The following TBC1D22A variants were observed in gnomAD, a reference collection of about 807,000 sequenced individuals.
The protein encoded by TBC1D22A is putative GTPase activator.
TBC1D22A carries 38 observed loss-of-function variants against 60.2 expected under a neutral mutation model. That is an observed-to-expected ratio of 0.63 (90% CI 0.49 to 0.83). The LOEUF is 0.83. Among genes scored for constraint, TBC1D22A ranks in the 40% least tolerant of loss-of-function variants. The pLI is 0.00. For synonymous variants in TBC1D22A, 302 were observed against 281.7 expected (o/e 1.07, Z -0.72); for missense variants, 628 against 701.0 (o/e 0.90, Z 1.18).
chr22:47,137,500 G>T, intron 12 of TBC1D22A, among the ~76,000 whole-genome samples: 1 of 152,120 alleles, frequency 6.6e-6, no homozygotes, highest in East Asian at 1.9e-4. Flanking sequence ...CTTCTCCCTT[G>T]GGGCAGCTTT....
At chr22:46,896,943 C>T (rs1440890950) in intron 7 of TBC1D22A, among the ~76,000 whole-genome samples, 1 of 151,978 alleles carries the variant, frequency 6.6e-6, no homozygotes, top group African/African-American at 2.4e-5. Context: ...TCAGAAAAGA[C>T]AGTTTTTAGT....
chr22:46,772,072 C>G (rs1226124192), intron 1 of TBC1D22A, among the ~76,000 whole-genome samples: 1 of 146,000 alleles, frequency 6.8e-6, no homozygotes, highest in Non-Finnish European at 1.5e-5. Context: ...TATGTATACA[C>G]ACATATACAT....
intron 11 of TBC1D22A, among the ~76,000 whole-genome samples, chr22:47,100,797 G>A (rs151325334): frequency 1.6e-4 from 24 of 152,220 alleles, no homozygotes; most frequent in African/African-American, 5.8e-4. Flanking sequence ...ACGTGAAAAC[G>A]GACTCATACA....
At chr22:47,003,910 TAC>T (rs1288626985) in intron 10 of TBC1D22A, among the ~76,000 whole-genome samples, 6 of 138,204 alleles carry the variant, frequency 4.3e-5, no homozygotes, top group Admixed American at 2.1e-4. Flanking sequence ...CATGCCTGTA[TAC>T]ACACACCCTA....
At chr22:46,963,559 G>A (rs1471700097) in intron 8 of TBC1D22A, among the ~76,000 whole-genome samples, 1 of 152,232 alleles carries the variant, frequency 6.6e-6, no homozygotes, top group Non-Finnish European at 1.5e-5. Flanking sequence ...ACCTTGGCAA[G>A]TATAAAACCC....
chr22:46,904,785 T>TTTTTTCTGA (rs1242929102), intron 7 of TBC1D22A, among the ~76,000 whole-genome samples: 3 of 145,482 alleles, frequency 2.1e-5, no homozygotes, highest in African/African-American at 5.1e-5. Flanking sequence ...TTTTTTTTTT[T>TTTTTTCTGA]TTTTTCTGAG....
At chr22:46,968,829 A>G (rs2073934274) in intron 8 of TBC1D22A, among the ~76,000 whole-genome samples, 1 of 152,198 alleles carries the variant, frequency 6.6e-6, no homozygotes, top group Non-Finnish European at 1.5e-5. Context: ...CAGAGTAGCA[A>G]TTATGTCTCC....
chr22:46,816,897 G>A (rs896158878), intron 4 of TBC1D22A, among the ~76,000 whole-genome samples: 2 of 152,154 alleles, frequency 1.3e-5, no homozygotes, highest in African/African-American at 2.4e-5. Context: ...CTCATTCAAA[G>A]GGTCATTCCC....
chr22:46,809,918 ATGC>A (rs1376906885), intron 4 of TBC1D22A, among the ~76,000 whole-genome samples: 5 of 152,166 alleles, frequency 3.3e-5, no homozygotes, highest in African/African-American at 1.2e-4. Context: ...CTCCTCTCCC[ATGC>A]TGCTATAATC....
At chr22:47,035,227 G>A (rs1603097711) in intron 10 of TBC1D22A, among the ~76,000 whole-genome samples, 1 of 152,210 alleles carries the variant, frequency 6.6e-6, no homozygotes, top group Non-Finnish European at 1.5e-5. Flanking sequence ...TGCCTCCGGG[G>A]CCTGCCTGGC....
At chr22:46,953,823 G>A (rs1418656002) in intron 8 of TBC1D22A, among the ~76,000 whole-genome samples, 2 of 152,168 alleles carry the variant, frequency 1.3e-5, no homozygotes, top group Non-Finnish European at 2.9e-5. Flanking sequence ...ACCTCTATCA[G>A]GTGCTTTGTT....
intron 11 of TBC1D22A, among the ~76,000 whole-genome samples, chr22:47,040,173 C>T (rs1160840148): frequency 6.6e-6 from 1 of 151,974 alleles, no homozygotes; most frequent in African/African-American, 2.4e-5. Context: ...TCTCGATCTC[C>T]TGACCTTGTG....
At chr22:46,949,845 G>T (rs1274483844) in intron 8 of TBC1D22A, among the ~76,000 whole-genome samples, 1 of 152,208 alleles carries the variant, frequency 6.6e-6, no homozygotes, top group Non-Finnish European at 1.5e-5. Context: ...CATGCGCAAG[G>T]GCAGGCAAGT....
At chr22:47,107,328 C>G (rs910684899) in intron 11 of TBC1D22A, among the ~76,000 whole-genome samples, 4 of 152,152 alleles carry the variant, frequency 2.6e-5, no homozygotes, top group Non-Finnish European at 4.4e-5. Context: ...GGAGTCACAG[C>G]CAGCAGGGAC....
intron 11 of TBC1D22A, among the ~76,000 whole-genome samples, chr22:47,041,700 C>A (rs1028591366): frequency 6.6e-6 from 1 of 152,230 alleles, no homozygotes; most frequent in East Asian, 1.9e-4. Context: ...ATCCTTGCCT[C>A]GAGAGGCTGC....
In TBC1D22A at chr22:47,175,276, C is replaced by G. The variant is rs1404466474; in HGVS notation, c.*1650C>G. ...ACGCCTTACCCCTGCCTTCCGTGTC[C>G]CCACCCCAGGGTCAAGGGTTCCTCA... On this transcript the variant is annotated 3_prime_UTR_variant, in exon 13 of 13. Coordinates refer to ENST00000337137, the MANE Select transcript of TBC1D22A (RefSeq NM_014346.5). 6.6e-6 allele frequency: 1 copy of G among 152,364 alleles called. No homozygotes were observed. The highest frequency in any genetic ancestry group is 2.4e-5 in the African/African-American group (1 of 41,452). The allele number at this position is 152,364 out of a possible 1,614,324, so 9.4% of individuals were successfully genotyped here. A position where few individuals can be genotyped will look rare whatever the true frequency, so the allele number is the denominator to read the frequency against.
At chr22:47,122,670 T>C (rs2066310572) in intron 12 of TBC1D22A, among the ~76,000 whole-genome samples, 1 of 152,256 alleles carries the variant, frequency 6.6e-6, no homozygotes, top group Non-Finnish European at 1.5e-5. Context: ...ACAGGTTCTC[T>C]TGGGCATCTG....
chr22:47,014,379 C>G (rs1054285125), intron 10 of TBC1D22A, among the ~76,000 whole-genome samples: 2 of 152,160 alleles, frequency 1.3e-5, no homozygotes, highest in East Asian at 3.9e-4. Context: ...CTCCCATAGC[C>G]GCAGGCCTCA....
intron 10 of TBC1D22A, among the ~76,000 whole-genome samples, chr22:47,007,143 A>G (rs1436697214): frequency 6.6e-6 from 1 of 152,154 alleles, no homozygotes; most frequent in Non-Finnish European, 1.5e-5. Flanking sequence ...TCACTGTCAC[A>G]TTGACCTCGA....
Sources: gnomAD v4.1 joint callset for allele counts (sites outside exome capture counted in the v4.1 genomes callset) on GRCh38, gnomAD v4.1.1 for gene constraint, MANE v1.5 for transcripts, NCBI Gene and HGNC (gene_info 2026-07-23, HGNC 2026-07-21) for gene names.